LRRC8B: variants seen among roughly 807,000 people sequenced by gnomAD.
LRRC8B encodes the protein leucine rich repeat containing 8 VRAC subunit B, also known as volume-regulated anion channel subunit LRRC8B.
Under a neutral mutation model 58.8 loss-of-function variants are expected in LRRC8B, and 23 were observed. The ratio of observed to expected loss-of-function variants is 0.39; its 90% CI spans 0.28 to 0.55. LRRC8B has a LOEUF of 0.55. Ranked by LOEUF, LRRC8B falls within the 20% of genes least tolerant of loss-of-function variation. The pLI is 0.62. For synonymous variants in LRRC8B, 359 were observed against 374.1 expected (o/e 0.96, Z 0.47); for missense variants, 694 against 936.0 (o/e 0.74, Z 3.37).
chr1:89,585,116 T>C (rs1186474930), intron 5 of LRRC8B, among the ~76,000 whole-genome samples: 1 of 152,256 alleles, frequency 6.6e-6, no homozygotes, highest in Non-Finnish European at 1.5e-5. Context: ...TGGTAGAGCT[T>C]ACTTTTTGTT....
chr1:89,573,088 C>T (rs1170901650), intron 3 of LRRC8B, among the ~76,000 whole-genome samples: 3 of 152,078 alleles, frequency 2.0e-5, no homozygotes, highest in Non-Finnish European at 4.4e-5. Context: ...ATCACGAGGT[C>T]AGGAGATCGA....
intron 3 of LRRC8B, among the ~76,000 whole-genome samples, chr1:89,569,511 T>A (rs936096543): frequency 1.3e-5 from 2 of 152,240 alleles, no homozygotes; most frequent in Non-Finnish European, 1.5e-5. Context: ...TTCCCATCTT[T>A]ATATCTATGT....
At chr1:89,558,233 A>G (rs1371903591) in intron 1 of LRRC8B, among the ~76,000 whole-genome samples, 2 of 152,124 alleles carry the variant, frequency 1.3e-5, no homozygotes, top group Admixed American at 6.5e-5. Context: ...CACAGAATTC[A>G]TAATCCAGTC....
At chr1:89,528,389 T>C (rs140655546) in intron 1 of LRRC8B, among the ~76,000 whole-genome samples, 32 of 152,326 alleles carry the variant, frequency 2.1e-4, no homozygotes, top group African/African-American at 6.7e-4. Context: ...ATTCAAACTT[T>C]CCTTATTTTC....
intron 1 of LRRC8B, among the ~76,000 whole-genome samples, chr1:89,530,874 G>C (rs1650077616): frequency 6.6e-6 from 1 of 152,128 alleles, no homozygotes; most frequent in Admixed American, 6.5e-5. Context: ...TCCTTGCCGT[G>C]TCCTGCTGAG....
At chr1:89,544,059 G>A (rs1328253214) in intron 1 of LRRC8B, among the ~76,000 whole-genome samples, 6 of 152,226 alleles carry the variant, frequency 3.9e-5, no homozygotes, top group Admixed American at 3.9e-4. Context: ...GCCTCCCAAA[G>A]TGCTGAGATT....
chr1:89,542,468 A>G (rs1161389425), intron 1 of LRRC8B, among the ~76,000 whole-genome samples: 2 of 152,194 alleles, frequency 1.3e-5, no homozygotes, highest in East Asian at 1.9e-4. Context: ...CTCCAGGGCC[A>G]TTTACCACAT....
Position 89,583,163 on chromosome 1 carries a change from A to G in LRRC8B, c.513A>G (p.Glu171=). 5 of 1,614,168 alleles carry G rather than the reference A, an allele frequency of 3.1e-6. No individual in the cohort carries two copies. Among genetic ancestry groups the G allele is most frequent in the Non-Finnish European group, 4.2e-6 (5 of 1,180,022 alleles). The change falls in exon 5 of 6, where the codon GAA becomes GAG. Residue 171 remains glutamate (E), a synonymous_variant. Transcript: ENST00000330947. The surrounding 1 kb of genome is among the most constrained non-coding windows in gnomAD (Gnocchi z 5.2). The part of the protein sequence containing the change: ...DSPWTTRALS[E]TVAEQSVRPL... ...CATGGACCACCCGCGCCCTTTCAGA[A>G]ACAGTGGCTGAGCAGTCAGTGAGGC...
chr1:89,543,983 A>G (rs1477657967), intron 1 of LRRC8B, among the ~76,000 whole-genome samples: 1 of 151,872 alleles, frequency 6.6e-6, no homozygotes, highest in African/African-American at 2.4e-5. Flanking sequence ...ATTTGTAGAG[A>G]TGAAGTCTTG....
intron 1 of LRRC8B, among the ~76,000 whole-genome samples, chr1:89,541,567 C>T (rs947347792): frequency 5.3e-5 from 8 of 150,552 alleles, no homozygotes; most frequent in Admixed American, 1.3e-4. Context: ...AAACATTAGC[C>T]GGGCGTAGTG....
intron 1 of LRRC8B, among the ~76,000 whole-genome samples, chr1:89,551,787 A>C (rs1012112416): frequency 1.3e-5 from 2 of 152,160 alleles, no homozygotes; most frequent in Admixed American, 1.3e-4. Context: ...ACAAGCTCTG[A>C]ATGAGACCCA....
At chr1:89,543,414 C>T (rs757650782) in intron 1 of LRRC8B, among the ~76,000 whole-genome samples, 38 of 152,002 alleles carry the variant, frequency 2.5e-4, no homozygotes, top group Non-Finnish European at 4.4e-4. Flanking sequence ...TAACAAACGC[C>T]AGTGAGTGGT....
At chr1:89,559,855 C>G (rs543672417) in intron 1 of LRRC8B, among the ~76,000 whole-genome samples, 1 of 152,098 alleles carries the variant, frequency 6.6e-6, no homozygotes, top group African/African-American at 2.4e-5. Flanking sequence ...TTCAAAGAGA[C>G]CAGTTTATGA....
At chr1:89,541,142 A>G (rs1203048549) in intron 1 of LRRC8B, among the ~76,000 whole-genome samples, 1 of 152,220 alleles carries the variant, frequency 6.6e-6, no homozygotes, top group East Asian at 1.9e-4. Flanking sequence ...AAGAATAATG[A>G]CACTTTGCAC....
At chr1:89,542,788 G>A (rs1651110997) in intron 1 of LRRC8B, among the ~76,000 whole-genome samples, 2 of 152,108 alleles carry the variant, frequency 1.3e-5, no homozygotes, top group African/African-American at 2.4e-5. Context: ...CTCATCATGA[G>A]TATTGGCATC....
In LRRC8B at chr1:89,583,145, C is replaced by A; in HGVS notation, c.495C>A (p.Thr165=). ...ILHKCFDSPW[T]TRALSETVAE... ...ACAAGTGCTTCGATTCTCCATGGAC[C>A]ACCCGCGCCCTTTCAGAAACAGTGG... is the stretch of plus-strand genomic sequence containing the variant. Residue 165 remains threonine (T), a synonymous_variant, in exon 5 of 6, where the codon ACC becomes ACA. Transcript: ENST00000330947. The surrounding 1 kb of genome is among the most constrained non-coding windows in gnomAD (Gnocchi z 5.2). 1.9e-6 allele frequency: 3 copies of A among 1,614,138 alleles called. No homozygotes were observed. The highest frequency in any genetic ancestry group is 2.5e-6 in the Non-Finnish European group (3 of 1,180,020).
intron 1 of LRRC8B, among the ~76,000 whole-genome samples, chr1:89,556,640 A>G (rs1052950721): frequency 6.6e-6 from 1 of 152,176 alleles, no homozygotes; most frequent in African/African-American, 2.4e-5. Flanking sequence ...GATATCAGAA[A>G]AAAAGACATC....
intron 3 of LRRC8B, among the ~76,000 whole-genome samples, chr1:89,574,001 A>G (rs2101024770): frequency 6.6e-6 from 1 of 152,284 alleles, no homozygotes; most frequent in South Asian, 2.1e-4. Flanking sequence ...GCCTTAAGAG[A>G]CTTGTAGCAT....
At chr1:89,528,593 G>T (rs1241382547) in intron 1 of LRRC8B, among the ~76,000 whole-genome samples, 2 of 152,192 alleles carry the variant, frequency 1.3e-5, no homozygotes, top group Non-Finnish European at 2.9e-5. Context: ...TACAGAGACT[G>T]CAAAGAACAA....
Sources: gnomAD v4.1 joint callset for allele counts (sites outside exome capture counted in the v4.1 genomes callset) on GRCh38, gnomAD v4.1.1 for gene constraint, Gnocchi (gnomAD v3.1) non-coding constraint, MANE v1.5 for transcripts, NCBI Gene and HGNC (gene_info 2026-07-23, HGNC 2026-07-21) for gene names.